Variants in CADPS observed in about 807,000 individuals in gnomAD.
CADPS encodes calcium dependent secretion activator, also known as calcium-dependent secretion activator 1.
A neutral mutation model predicts 167.3 loss-of-function variants in CADPS; 57 were observed. The observed-to-expected ratio is 0.34, with a 90% confidence interval of 0.28 to 0.42. The LOEUF is 0.42. Among genes scored for constraint, CADPS ranks in the 20% least tolerant of loss-of-function variants. The pLI, the probability that CADPS is intolerant of heterozygous loss-of-function variation, is 1.00. For missense variants in CADPS, 1,414 were observed against 1,738.1 expected, an observed-to-expected ratio of 0.81 and a Z score of 3.32; for synonymous variants, 676 against 635.3, an observed-to-expected ratio of 1.06 and a Z score of -0.96.
intron 9 of CADPS, among the ~76,000 whole-genome samples, chr3:62,564,233 C>T (rs2079708900): frequency 6.6e-6 from 1 of 152,068 alleles, no homozygotes; most frequent in African/African-American, 2.4e-5. Flanking sequence ...GATTCCCTGA[C>T]CTCATGATCC....
At chr3:62,561,847 A>AT (rs2079220693) in intron 9 of CADPS, among the ~76,000 whole-genome samples, 2 of 152,098 alleles carry the variant, frequency 1.3e-5, no homozygotes, top group Non-Finnish European at 2.9e-5. Flanking sequence ...ATCAGCTGTT[A>AT]TTTTTACTGA....
At chr3:62,873,709 T>G (rs570465478) in intron 1 of CADPS, among the ~76,000 whole-genome samples, 1 of 151,372 alleles carries the variant, frequency 6.6e-6, no homozygotes, top group Admixed American at 6.6e-5. Flanking sequence ...TGCCTCAGAT[T>G]GCGAAGCTTT....
At chr3:62,646,247 C>T (rs1207224114) in intron 5 of CADPS, among the ~76,000 whole-genome samples, 1 of 151,308 alleles carries the variant, frequency 6.6e-6, no homozygotes, top group East Asian at 1.9e-4. Flanking sequence ...TCACTGCAAC[C>T]TCCACCTCCC....
intron 11 of CADPS, among the ~76,000 whole-genome samples, chr3:62,543,613 C>G (rs2076040017): frequency 6.7e-6 from 1 of 150,090 alleles, no homozygotes; most frequent in South Asian, 2.1e-4. Context: ...TACATTTATG[C>G]AAAATAAAAG....
intron 28 of CADPS, among the ~76,000 whole-genome samples, chr3:62,430,595 T>C (rs141592704): frequency 6.6e-6 from 1 of 152,162 alleles, no homozygotes; most frequent in African/African-American, 2.4e-5. Context: ...AGAGCTTAGA[T>C]TGGGACTGAA....
chr3:62,706,498 C>T (rs4688318), intron 3 of CADPS, among the ~76,000 whole-genome samples: 37,203 of 151,936 alleles, frequency 0.24, 4,685 homozygotes, highest in Non-Finnish European at 0.27. Context: ...TACCACTGAC[C>T]GGGTGGCTTA....
intron 1 of CADPS, among the ~76,000 whole-genome samples, chr3:62,789,171 T>A (rs1313301547): frequency 1.3e-5 from 2 of 152,174 alleles, no homozygotes; most frequent in Non-Finnish European, 2.9e-5. Flanking sequence ...AGTTCTAGTA[T>A]CAATGGCCAC....
chr3:62,474,664 T>C (rs1054924410), intron 23 of CADPS, among the ~76,000 whole-genome samples: 6 of 152,210 alleles, frequency 3.9e-5, no homozygotes, highest in African/African-American at 1.2e-4. Flanking sequence ...TTCTCTCACA[T>C]TGGCAACTGC....
chr3:62,812,080 C>T (rs746707707), intron 1 of CADPS, among the ~76,000 whole-genome samples: 25 of 151,998 alleles, frequency 1.6e-4, no homozygotes, highest in Admixed American at 3.3e-4. Flanking sequence ...CACAGTAATG[C>T]CAAGTAAAAG....
chr3:62,683,303 T>C (rs181582806), intron 3 of CADPS, among the ~76,000 whole-genome samples: 3 of 152,126 alleles, frequency 2.0e-5, no homozygotes, highest in Admixed American at 2.0e-4. Flanking sequence ...GAGGATGGAT[T>C]GGAAGGGTTA....
rs34771903 is a variant in CADPS, at chr3:62,438,715, TTGTGTG to T, written c.3670-510_3670-505del. On this transcript the variant is annotated intron_variant, in intron 27 of 29. Coordinates refer to ENST00000383710, the MANE Select transcript of CADPS (RefSeq NM_003716.4). The surrounding 1 kb of genome is among the most constrained non-coding windows in gnomAD (Gnocchi z 4.7). ...TATACCTCTTCCTACCCAAGTCTCA[TTGTGTG>T]TGTGTGTGTGTGTGTGTGTGTGTGT... 0.052 allele frequency: 7,556 copies of T among 144,178 alleles called. 208 individuals are homozygous for T. Among genetic ancestry groups the T allele is most frequent in the Middle Eastern group, 0.064 (19 of 298 alleles). The allele number at this position is 144,178 out of a possible 1,614,324, so 8.9% of individuals were successfully genotyped here.
chr3:62,496,818 G>A lies in CADPS; in HGVS notation c.2706+2344C>T, dbSNP rs141890318. 4.5e-3 allele frequency among the ~76,000 whole-genome samples: 679 copies of A among 152,274 alleles called. 5 individuals are homozygous for A. Among genetic ancestry groups the A allele is most frequent in the African/African-American group, 0.014 (595 of 41,560 alleles). On this transcript the variant is annotated intron_variant, in intron 18 of 29. Coordinates refer to ENST00000383710, the MANE Select transcript of CADPS (RefSeq NM_003716.4). ...TAGTTGTCTTTCAAAAAGCACCAAG[G>A]TAGTTGCCTCAGTGCTCAGAAGATG...
chr3:62,450,894 T>C (rs1305074787), intron 26 of CADPS, among the ~76,000 whole-genome samples: 1 of 152,192 alleles, frequency 6.6e-6, no homozygotes, highest in Non-Finnish European at 1.5e-5. Context: ...CTAAAAGAGA[T>C]AAGCAACTTG....
At chr3:62,563,104 T>C (rs373258371) in intron 9 of CADPS, among the ~76,000 whole-genome samples, 12 of 152,338 alleles carry the variant, frequency 7.9e-5, no homozygotes, top group African/African-American at 2.6e-4. Flanking sequence ...TAATTACTAG[T>C]TTAATTAGTT....
chr3:62,501,308 A>G (rs1214877673), intron 17 of CADPS, among the ~76,000 whole-genome samples: 1 of 152,224 alleles, frequency 6.6e-6, no homozygotes, highest in African/African-American at 2.4e-5. Context: ...TTTGATAAAT[A>G]GACTATCATA....
At chr3:62,663,040 T>C (rs959731627) in intron 3 of CADPS, among the ~76,000 whole-genome samples, 2 of 152,174 alleles carry the variant, frequency 1.3e-5, no homozygotes, top group Non-Finnish European at 2.9e-5. Context: ...CTTCTCTGTT[T>C]TCAGTTTTTT....
chr3:62,768,167 A>G (rs1324911888), intron 1 of CADPS, among the ~76,000 whole-genome samples: 2 of 152,246 alleles, frequency 1.3e-5, no homozygotes, highest in Non-Finnish European at 2.9e-5. Flanking sequence ...GCTTGAAACC[A>G]TTTGAACTGA....
intron 1 of CADPS, among the ~76,000 whole-genome samples, chr3:62,858,391 G>A (rs754200743): frequency 1.6e-4 from 24 of 152,084 alleles, no homozygotes; most frequent in Non-Finnish European, 3.2e-4. Flanking sequence ...CCCTAAGCAT[G>A]GAATACAAGT....
chr3:62,482,432 C>A (rs2062146547), intron 21 of CADPS, among the ~76,000 whole-genome samples: 1 of 152,122 alleles, frequency 6.6e-6, no homozygotes, highest in Non-Finnish European at 1.5e-5. Flanking sequence ...CTTCTAAAGA[C>A]AGGTGTATGG....
Sources: gnomAD v4.1 joint callset for allele counts (sites outside exome capture counted in the v4.1 genomes callset) on GRCh38, gnomAD v4.1.1 for gene constraint, Gnocchi (gnomAD v3.1) non-coding constraint, MANE v1.5 for transcripts, NCBI Gene and HGNC (gene_info 2026-07-23, HGNC 2026-07-21) for gene names.